Variants in LRBA observed in about 807,000 individuals in gnomAD.
LRBA encodes lipopolysaccharide-responsive and beige-like anchor protein.
In LRBA, 176 loss-of-function variants were observed where a neutral mutation model predicts 330.0. That is an observed-to-expected ratio of 0.53 (90% confidence interval 0.47 to 0.60). LRBA has a LOEUF of 0.60. LRBA is among the 20% of genes least tolerant of loss of function. The pLI, the probability that LRBA is intolerant of heterozygous loss-of-function variation, is 0.00. For missense variants in LRBA, 3,259 were observed against 3,444.8 expected (o/e 0.95, Z 1.35); for synonymous variants, 1,230 against 1,193.0 (o/e 1.03, Z -0.64).
In LRBA at chr4:150,951,419, A is replaced by C. The variant is rs1736823724; in HGVS notation, c.217-22354T>G. 2.6e-5 allele frequency among the ~76,000 whole-genome samples: 4 copies of C among 152,176 alleles called. No homozygotes were observed. The South Asian group carries it at 8.3e-4, about 31-fold the overall frequency. On this transcript the variant is annotated intron_variant, in intron 2 of 56. Coordinates refer to ENST00000651943, the MANE Select transcript of LRBA (RefSeq NM_001364905.1). Reference sequence around the variant, plus strand: ...TGTGACACCCCTATACTAACCTGAAATAAAAGTGACACATTCCATTTTATC... The same window carrying C: ...TGTGACACCCCTATACTAACCTGAACTAAAAGTGACACATTCCATTTTATC...
chr4:150,977,150 G>A (rs766754695), intron 2 of LRBA, among the ~76,000 whole-genome samples: 5 of 152,222 alleles, frequency 3.3e-5, no homozygotes, highest in African/African-American at 4.8e-5. Flanking sequence ...AGCTAAGGAA[G>A]TACTTGCGCC....
intron 37 of LRBA, among the ~76,000 whole-genome samples, chr4:150,650,572 T>G (rs1039956540): frequency 2.0e-5 from 3 of 151,850 alleles, no homozygotes; most frequent in African/African-American, 7.3e-5. Context: ...ACTCACAGAG[T>G]CAGCAAAAGG....
chr4:150,907,356 G>C, intron 11 of LRBA, among the ~76,000 whole-genome samples: 1 of 97,574 alleles, frequency 1.0e-5, no homozygotes, highest in Non-Finnish European at 2.0e-5. Flanking sequence ...GGGGAAGGGG[G>C]AGGGAAGGAA....
In LRBA at chr4:150,606,094, T is replaced by C. The variant is rs576687733; in HGVS notation, c.5922-6963A>G. 8.9e-4 allele frequency among the ~76,000 whole-genome samples: 136 copies of C among 152,216 alleles called. 1 individual carries two copies. Among genetic ancestry groups the C allele is most frequent in the Non-Finnish European group, 3.8e-4 (26 of 68,008 alleles). The stretch of plus-strand genomic sequence containing the variant: ...TCTGTATTTGTTTTTTAAAGCCATC[T>C]AGATATCCATCTTCAATTAATTATT... On this transcript the variant is annotated intron_variant, in intron 37 of 56. Coordinates refer to ENST00000651943, the MANE Select transcript of LRBA (RefSeq NM_001364905.1).
chr4:150,844,808 GA>G lies in LRBA; in HGVS notation c.4340-30del, dbSNP rs1343166864. 1.1e-5 allele frequency: 17 copies of G among 1,585,422 alleles called. No individual in the cohort carries two copies. The East Asian group carries it at 3.8e-4, about 36-fold the overall frequency. On this transcript the variant is annotated intron_variant, in intron 26 of 56. Transcript: ENST00000651943. ...TAATTTATTTTAAGGAAAAGATAGGGAAAGAAAAGTTAATATTTAAGATTAT... is the reference window on the plus strand; with the variant it reads ...TAATTTATTTTAAGGAAAAGATAGGGAAGAAAAGTTAATATTTAAGATTAT...
At chr4:150,569,094 T>A (rs748588575) in intron 40 of LRBA, among the ~76,000 whole-genome samples, 9 of 152,102 alleles carry the variant, frequency 5.9e-5, no homozygotes, top group Non-Finnish European at 1.0e-4. Flanking sequence ...GTAAAACACT[T>A]AAAACATTGT....
At chr4:150,828,739 C>G in intron 29 of LRBA, 118 bp from the exon 30 acceptor site, 3 of 896,820 alleles carry the variant, frequency 3.3e-6, no homozygotes, top group East Asian at 2.5e-5. Flanking sequence ...ACATCATGTT[C>G]TAAAAAAGCA....
intron 46 of LRBA, among the ~76,000 whole-genome samples, chr4:150,420,442 C>CATATATAATATATAAAGTATATATAATAT (rs1748560618): frequency 9.9e-6 from 1 of 101,192 alleles, no homozygotes; most frequent in African/African-American, 3.7e-5. Context: ...ATATATAATA[C>CATATATAATATATAAAGTATATATAATAT]ATATATAATA....
intron 31 of LRBA, among the ~76,000 whole-genome samples, chr4:150,815,844 C>G (rs766238838): frequency 6.6e-6 from 1 of 151,768 alleles, no homozygotes; most frequent in East Asian, 1.9e-4. Context: ...TTATACAGTA[C>G]GTAAAGAATT....
Position 150,427,178 on chromosome 4 carries a change from TATG to T in LRBA, c.7041+8408_7041+8410del, listed in dbSNP as rs536696725. Among the ~76,000 whole-genome samples the T allele has an allele frequency of 7.1e-3, 1,086 of 152,030 alleles. 10 individuals carry two copies. Among genetic ancestry groups the T allele is most frequent in the African/African-American group, 0.025 (1,042 of 41,534 alleles). ...CTACATTTTCTAGTTGAACAAAAAA[TATG>T]ATAAGATCACCAGTCAAAAAACAAA... On this transcript the variant is annotated intron_variant, in intron 46 of 56. Transcript: ENST00000651943.
At chr4:150,879,365 C>T (rs554319143) in intron 17 of LRBA, among the ~76,000 whole-genome samples, 51 of 152,236 alleles carry the variant, frequency 3.4e-4, no homozygotes, top group African/African-American at 1.2e-3. Context: ...AAGGAACATA[C>T]ATCAAAATAA....
intron 22 of LRBA, among the ~76,000 whole-genome samples, chr4:150,853,830 C>T (rs1750913070): frequency 6.6e-6 from 1 of 152,070 alleles, no homozygotes; most frequent in African/African-American, 2.4e-5. Context: ...CCAGAAAAAC[C>T]TATAACACAT....
Position 150,661,516 on chromosome 4 carries a change from T to TA in LRBA, c.5921+22034dup, listed in dbSNP as rs570232789. ...GAAAGAAAGAAAGAACTTTTACAAA[T>TA]AAAAAAAACTTTTATGTCCATTAAA... On this transcript the variant is annotated intron_variant, in intron 37 of 56. Transcript: ENST00000651943. 1.7e-3 allele frequency among the ~76,000 whole-genome samples: 253 copies of TA among 148,558 alleles called. 1 individual carries two copies. Among genetic ancestry groups the TA allele is most frequent in the Admixed American group, 2.7e-3 (41 of 14,954 alleles).
rs976207318 is a variant in LRBA at position 150,282,587 on chromosome 4, C to T, written c.8179G>A (p.Glu2727Lys). ...GDLLRTLEGP[E>K]NCLKPKLIQA... Reference sequence around the variant, plus strand: ...ATGAGTTTTGGTTTCAGGCAGTTTTCAGGACCCTCCAAGGTCCTCAACAAG... The same window carrying T: ...ATGAGTTTTGGTTTCAGGCAGTTTTTAGGACCCTCCAAGGTCCTCAACAAG... The change falls in exon 55 of 57, where the codon GAA becomes AAA. Residue 2727 changes from glutamate (E) to lysine (K), a missense_variant. Coordinates refer to ENST00000651943, the MANE Select transcript of LRBA (RefSeq NM_001364905.1). The T allele has an allele frequency of 1.2e-6, 2 of 1,613,988 alleles. No homozygotes were observed. Among genetic ancestry groups the T allele is most frequent in the Admixed American group, 1.7e-5 (1 of 60,002 alleles).
chr4:150,295,662 C>A (rs941467279), intron 53 of LRBA, among the ~76,000 whole-genome samples: 1 of 152,132 alleles, frequency 6.6e-6, no homozygotes, highest in African/African-American at 2.4e-5. Flanking sequence ...CATACTTTTT[C>A]TATGCATAAA....
At chr4:150,845,398 T>TCTA (rs1749710304) in intron 26 of LRBA, among the ~76,000 whole-genome samples, 3 of 152,172 alleles carry the variant, frequency 2.0e-5, no homozygotes, top group Admixed American at 6.6e-5. Context: ...GGAATTTGAT[T>TCTA]AATATACAGT....
At chr4:150,417,991 T>C (rs1373326214) in intron 46 of LRBA, among the ~76,000 whole-genome samples, 4 of 151,692 alleles carry the variant, frequency 2.6e-5, no homozygotes, top group Non-Finnish European at 5.9e-5. Context: ...TCAAAACAAA[T>C]ATTCTCCACA....
intron 40 of LRBA, among the ~76,000 whole-genome samples, chr4:150,546,177 T>C (rs1765840157): frequency 6.6e-6 from 1 of 152,218 alleles, no homozygotes; most frequent in African/African-American, 2.4e-5. Flanking sequence ...ACTATTCAAC[T>C]AAAGGTTTCT....
Position 150,798,153 on chromosome 4 carries a change from G to T in LRBA, c.5519-11C>A, listed in dbSNP as rs983496793. ...TCATGCAAACCAGACCTATTTTAAA[G>T]AGAATTTTAAAAAAGAAGTTATAAA... On this transcript the variant is annotated splice_polypyrimidine_tract_variant and intron_variant, in intron 33 of 56. Coordinates refer to ENST00000651943, the MANE Select transcript of LRBA (RefSeq NM_001364905.1). The T allele has an allele frequency of 1.3e-6, 2 of 1,565,188 alleles. No individual in the cohort carries two copies. The highest frequency in any genetic ancestry group is 8.8e-7 in the Non-Finnish European group (1 of 1,136,464).
Sources: allele counts gnomAD v4.1 joint callset (sites outside exome capture counted in the v4.1 genomes callset), GRCh38; gene constraint gnomAD v4.1.1; transcripts MANE v1.5; gene names NCBI Gene and HGNC (gene_info 2026-07-23, HGNC 2026-07-21).